Variants in EHD3 observed in about 807,000 individuals in gnomAD.
EHD3 encodes EH domain-containing protein 3.
A neutral mutation model predicts 43.0 loss-of-function variants in EHD3; 17 were observed. The observed-to-expected ratio is 0.40, with a 90% CI of 0.27 to 0.59. EHD3 has a LOEUF of 0.59. EHD3 is among the 20% of genes least tolerant of loss of function. EHD3 has a pLI of 0.49. For synonymous variants in EHD3, 313 were observed against 289.5 expected, an observed-to-expected ratio of 1.08 and a Z score of -0.82; for missense variants, 594 against 705.6, an observed-to-expected ratio of 0.84 and a Z score of 1.79.
In EHD3 at chr2:31,234,792, C is replaced by T. The variant is rs749520320; in HGVS notation, c.171C>T (p.Asn57=). ...CCCTGGAGGATGCCGACTTCGACAACAAGCCCATGGTTCTGCTGGTGGGCC... is the reference window on the plus strand; with the variant it reads ...CCCTGGAGGATGCCGACTTCGACAATAAGCCCATGGTTCTGCTGGTGGGCC... ...SPALEDADFD[N]KPMVLLVGQY... is the part of the protein sequence containing the mutation. Residue 57 remains asparagine (N), a synonymous_variant, in exon 1 of 6, where the codon AAC becomes AAT. Transcript: ENST00000322054. The T allele has an allele frequency of 1.1e-5, 18 of 1,614,082 alleles. No homozygotes were observed. Among genetic ancestry groups the T allele is most frequent in the East Asian group, 1.1e-4 (5 of 44,876 alleles).
At chr2:31,234,957 T>G (rs1026049242) in intron 1 of EHD3, 109 bp downstream of exon 1, 8 of 1,018,466 alleles carry the variant, frequency 7.9e-6, no homozygotes, top group Non-Finnish European at 1.2e-5. Context: ...AGCCTTCAGT[T>G]GAGGGCTCTG....
intron 4 of EHD3, among the ~76,000 whole-genome samples, 188 bp downstream of exon 4, chr2:31,261,110 G>A (rs1683846778): frequency 1.3e-5 from 2 of 152,350 alleles, no homozygotes; most frequent in South Asian, 4.1e-4. Context: ...TGACTCCATT[G>A]TTTACTGTCT....
At chr2:31,256,957 T>C (rs1278993709) in intron 3 of EHD3, among the ~76,000 whole-genome samples, 1 of 152,240 alleles carries the variant, frequency 6.6e-6, no homozygotes, top group Non-Finnish European at 1.5e-5. Context: ...CTGCCCTGGC[T>C]GCCTTAGCCT....
intron 1 of EHD3, 99 bp from the exon 2 acceptor site, chr2:31,244,175 C>A: frequency 8.3e-7 from 1 of 1,209,232 alleles, no homozygotes; most frequent in Admixed American, 2.5e-5. Flanking sequence ...GGTGGCCCTG[C>A]CCTCCCCTCT....
chr2:31,240,734 AG>A (rs1683406933), intron 1 of EHD3, among the ~76,000 whole-genome samples: 1 of 152,222 alleles, frequency 6.6e-6, no homozygotes, highest in Non-Finnish European at 1.5e-5. Context: ...CTGTGTGAGA[AG>A]GATCCTTCAT....
Position 31,267,045 on chromosome 2 carries a change from T to G in EHD3, c.*341T>G. Reference sequence around the variant, plus strand: ...CACAGATGGCCAACCCACCTCCAGATTCCCCAGTGCTTCCACACCCGGGCT... The same window carrying G: ...CACAGATGGCCAACCCACCTCCAGAGTCCCCAGTGCTTCCACACCCGGGCT... On this transcript the variant is annotated 3_prime_UTR_variant, in exon 6 of 6. Coordinates refer to ENST00000322054, the MANE Select transcript of EHD3 (RefSeq NM_014600.3). 1 of 258,938 alleles carries G rather than the reference T, an allele frequency of 3.9e-6. No homozygotes were observed. The allele number at this position is 258,938 out of a possible 1,614,324, so 16.0% of individuals were successfully genotyped here.
At chr2:31,252,663 C>T (rs994238510) in intron 3 of EHD3, among the ~76,000 whole-genome samples, 4 of 152,214 alleles carry the variant, frequency 2.6e-5, no homozygotes, top group East Asian at 1.9e-4. Flanking sequence ...TTAGTAGAGA[C>T]GGGGTTTCAC....
intron 3 of EHD3, among the ~76,000 whole-genome samples, chr2:31,252,329 C>T (rs1282011318): frequency 6.6e-6 from 1 of 152,262 alleles, no homozygotes. Flanking sequence ...CCAGAGTAAT[C>T]TGTGTGAATA....
rs1683287285 is a variant in EHD3 at position 31,234,599 on chromosome 2, G to A, written c.-23G>A. On this transcript the variant is annotated 5_prime_UTR_variant, in exon 1 of 6. Coordinates refer to ENST00000322054, the MANE Select transcript of EHD3 (RefSeq NM_014600.3). Reference sequence around the variant, plus strand: ...GAGGAGTCTTCCCCTGGGGCTGCGTGCCGGGGGCGAGCGGCGGCCGCGATG... The same window carrying A: ...GAGGAGTCTTCCCCTGGGGCTGCGTACCGGGGGCGAGCGGCGGCCGCGATG... The A allele has an allele frequency of 2.5e-6, 4 of 1,612,332 alleles. No individual in the cohort carries two copies. The highest frequency in any genetic ancestry group is 2.7e-5 in the African/African-American group (2 of 74,940).
chr2:31,259,846 A>G (rs1683817003), intron 3 of EHD3, among the ~76,000 whole-genome samples: 1 of 152,200 alleles, frequency 6.6e-6, no homozygotes, highest in African/African-American at 2.4e-5. Flanking sequence ...TGCTAAATAC[A>G]GTAAGCACGG....
At chr2:31,261,186 A>T (rs1450064463) in intron 4 of EHD3, among the ~76,000 whole-genome samples, 1 of 152,182 alleles carries the variant, frequency 6.6e-6, no homozygotes, top group African/African-American at 2.4e-5. Flanking sequence ...TGTAAAATGA[A>T]GGGGTTGTTG....
rs371694805 is a variant in EHD3, at chr2:31,234,801, G to C, written c.180G>C (p.Met60Ile). Residue 60 changes from methionine (M) to isoleucine (I), a missense_variant, in exon 1 of 6, where the codon ATG becomes ATC. Physicochemically the swap from Met to Ile is conservative, Grantham distance 10. This residue lies in a region of EHD3 where 243 missense variants were observed against 296.7 expected (regional missense o/e 0.82). Coordinates refer to ENST00000322054, the MANE Select transcript of EHD3 (RefSeq NM_014600.3). ...ATGCCGACTTCGACAACAAGCCCATGGTTCTGCTGGTGGGCCAGTACTCCA... is the reference window on the plus strand; with the variant it reads ...ATGCCGACTTCGACAACAAGCCCATCGTTCTGCTGGTGGGCCAGTACTCCA... ...LEDADFDNKP[M>I]VLLVGQYSTG... is the part of the protein sequence containing the mutation. The C allele has an allele frequency of 1.7e-5, 28 of 1,614,176 alleles. No individual in the cohort carries two copies. The highest frequency in any genetic ancestry group is 2.1e-5 in the Non-Finnish European group (25 of 1,180,032).
At chr2:31,243,846 A>G (rs932259367) in intron 1 of EHD3, among the ~76,000 whole-genome samples, 2 of 152,282 alleles carry the variant, frequency 1.3e-5, no homozygotes, top group East Asian at 3.9e-4. Flanking sequence ...CCGGTTAAAT[A>G]AAGACCTATG....
chr2:31,243,754 A>G (rs1442353099), intron 1 of EHD3, among the ~76,000 whole-genome samples: 1 of 152,104 alleles, frequency 6.6e-6, no homozygotes, highest in Non-Finnish European at 1.5e-5. Context: ...GCGCCTGGCC[A>G]GAGATTCATT....
At position 31,234,764 on chromosome 2, in the gene EHD3, C is replaced by T. The variant is rs1200840393; in HGVS notation, c.143C>T (p.Pro48Leu). 1 of 1,614,088 alleles carries T rather than the reference C, an allele frequency of 6.2e-7. No homozygotes were observed. The highest frequency in any genetic ancestry group is 8.5e-7 in the Non-Finnish European group (1 of 1,180,048). Residue 48 changes from proline (P) to leucine (L), a missense_variant, in exon 1 of 6, where the codon CCC (proline) becomes CTC (leucine). Coordinates refer to ENST00000322054, the MANE Select transcript of EHD3 (RefSeq NM_014600.3). ...TACCGCTTCCACGAGTTCCACTCGC[C>T]CGCCCTGGAGGATGCCGACTTCGAC... ...EHYRFHEFHSPALEDADFDNK... is the reference protein window; with the variant it reads ...EHYRFHEFHSLALEDADFDNK...
chr2:31,263,176 C>G (rs532530030), intron 5 of EHD3, among the ~76,000 whole-genome samples: 20 of 152,232 alleles, frequency 1.3e-4, no homozygotes, highest in Non-Finnish European at 2.6e-4. Flanking sequence ...CTACCACGAG[C>G]CATTCACTAA....
intron 1 of EHD3, among the ~76,000 whole-genome samples, chr2:31,236,939 G>A (rs931150228): frequency 2.0e-5 from 3 of 152,196 alleles, no homozygotes; most frequent in African/African-American, 7.2e-5. Context: ...GAGTCAAATT[G>A]CCACAGATGA....
rs1683286324 is a variant in EHD3, at chr2:31,234,567, C to A, written c.-55C>A. 6.3e-7 allele frequency: 1 copy of A among 1,593,254 alleles called. No individual in the cohort carries two copies. The highest frequency in any genetic ancestry group is 8.6e-7 in the Non-Finnish European group (1 of 1,167,256). On this transcript the variant is annotated 5_prime_UTR_variant, in exon 1 of 6. Coordinates refer to ENST00000322054, the MANE Select transcript of EHD3 (RefSeq NM_014600.3). ...CGGACCGGTCCTACGGGACATCTTCCCCTGAGGAGGAGTCTTCCCCTGGGG... is the reference window on the plus strand; with the variant it reads ...CGGACCGGTCCTACGGGACATCTTCACCTGAGGAGGAGTCTTCCCCTGGGG...
At chr2:31,255,438 C>A in intron 3 of EHD3, among the ~76,000 whole-genome samples, 1 of 148,006 alleles carries the variant, frequency 6.8e-6, no homozygotes, top group South Asian at 2.1e-4. Context: ...TCATTCAGCT[C>A]TACCACAGAC....
Sources: gnomAD v4.1 joint callset for allele counts (sites outside exome capture counted in the v4.1 genomes callset) on GRCh38, gnomAD v4.1.1 for gene constraint, gnomAD v4.1.1 regional missense constraint, MANE v1.5 for transcripts, NCBI Gene and HGNC (gene_info 2026-07-23, HGNC 2026-07-21) for gene names.